The following THSD7A variants were observed in gnomAD, a reference collection of about 807,000 sequenced individuals.
THSD7A encodes thrombospondin type-1 domain-containing protein 7A.
THSD7A carries 96 observed loss-of-function variants against 231.3 expected under a neutral mutation model. That is an observed-to-expected ratio of 0.41 (90% CI 0.35 to 0.49). THSD7A has a LOEUF of 0.49. Ranked by LOEUF, THSD7A falls within the 20% of genes least tolerant of loss-of-function variation. THSD7A has a pLI of 0.05. For synonymous variants in THSD7A, 940 were observed against 743.3 expected (o/e 1.26, Z -4.30); for missense variants, 2,290 against 2,070.2 (o/e 1.11, Z -2.06).
chr7:11,398,969 C>T (rs1278724439), intron 23 of THSD7A, among the ~76,000 whole-genome samples: 2 of 152,192 alleles, frequency 1.3e-5, no homozygotes, highest in Admixed American at 6.5e-5. Flanking sequence ...TTGTTTACTA[C>T]TCTAATCTAT....
chr7:11,525,218 A>G (rs1788421103), intron 6 of THSD7A, among the ~76,000 whole-genome samples: 1 of 152,164 alleles, frequency 6.6e-6, no homozygotes, highest in Non-Finnish European at 1.5e-5. Flanking sequence ...CCCTAACTGC[A>G]ATCAATAGAT....
intron 1 of THSD7A, among the ~76,000 whole-genome samples, chr7:11,773,485 G>A (rs1244884845): frequency 6.6e-6 from 1 of 151,910 alleles, no homozygotes; most frequent in Non-Finnish European, 1.5e-5. Context: ...AGCTGAAATC[G>A]AGCCATTGCA....
At chr7:11,550,221 T>G (rs931085721) in intron 4 of THSD7A, among the ~76,000 whole-genome samples, 8 of 151,940 alleles carry the variant, frequency 5.3e-5, no homozygotes, top group African/African-American at 1.9e-4. Flanking sequence ...AAATCAGGAA[T>G]GCAATCCCAT....
intron 1 of THSD7A, among the ~76,000 whole-genome samples, chr7:11,705,623 G>A (rs1006169868): frequency 6.6e-6 from 1 of 150,976 alleles, no homozygotes; most frequent in Admixed American, 6.6e-5. Context: ...TTTTACCAAA[G>A]AGCAGTTTTT....
chr7:11,576,144 A>G (rs1790893380), intron 4 of THSD7A, among the ~76,000 whole-genome samples: 1 of 152,156 alleles, frequency 6.6e-6, no homozygotes, highest in Admixed American at 6.5e-5. Context: ...CATCCTTGTT[A>G]TATTCATTAT....
At chr7:11,721,275 A>G (rs1402651833) in intron 1 of THSD7A, among the ~76,000 whole-genome samples, 1 of 151,698 alleles carries the variant, frequency 6.6e-6, no homozygotes, top group African/African-American at 2.4e-5. Context: ...GTAATCCCCA[A>G]TGTTGGAGGA....
chr7:11,502,331 C>T (rs934277727), intron 6 of THSD7A, among the ~76,000 whole-genome samples: 1 of 152,088 alleles, frequency 6.6e-6, no homozygotes, highest in Non-Finnish European at 1.5e-5. Context: ...AGAGACACAA[C>T]AACAACAAAA....
At chr7:11,433,706 C>G (rs1274867899) in intron 13 of THSD7A, among the ~76,000 whole-genome samples, 1 of 151,882 alleles carries the variant, frequency 6.6e-6, no homozygotes, top group Non-Finnish European at 1.5e-5. Context: ...ATAGAATCAC[C>G]TGGTGGCCTT....
At chr7:11,728,582 C>T (rs138945463) in intron 1 of THSD7A, among the ~76,000 whole-genome samples, 4 of 151,796 alleles carry the variant, frequency 2.6e-5, no homozygotes, top group Non-Finnish European at 5.9e-5. Flanking sequence ...ACAATCTAGC[C>T]ATAGCTAATG....
At chr7:11,401,265 G>C (rs893443825) in intron 23 of THSD7A, among the ~76,000 whole-genome samples, 4 of 151,930 alleles carry the variant, frequency 2.6e-5, no homozygotes, top group African/African-American at 9.7e-5. Context: ...CAGCCTTCTT[G>C]AGCTCATAAA....
At chr7:11,758,550 G>A (rs79249763) in intron 1 of THSD7A, among the ~76,000 whole-genome samples, 1,761 of 152,132 alleles carry the variant, frequency 0.012, 12 homozygotes, top group Non-Finnish European at 0.019. Context: ...CCCCAAAGCA[G>A]CTCAAAATGG....
At chr7:11,403,991 G>A (rs909676034) in intron 22 of THSD7A, among the ~76,000 whole-genome samples, 2 of 152,112 alleles carry the variant, frequency 1.3e-5, no homozygotes, top group African/African-American at 4.8e-5. Context: ...ACTAGCAAGA[G>A]AGGAACTGAA....
At chr7:11,754,004 T>G (rs1782594276) in intron 1 of THSD7A, among the ~76,000 whole-genome samples, 1 of 151,972 alleles carries the variant, frequency 6.6e-6, no homozygotes, top group Non-Finnish European at 1.5e-5. Context: ...AACGGCCACT[T>G]TATATTAAAT....
chr7:11,777,414 TACACACACACACACACACACACACAC>T (rs66487858), intron 1 of THSD7A, among the ~76,000 whole-genome samples: 4 of 147,282 alleles, frequency 2.7e-5, no homozygotes, highest in East Asian at 2.0e-4. Flanking sequence ...GTAAATTAAG[TACACACACACACACACACACACACAC>T]ACACACACAC....
chr7:11,681,161 T>C (rs556440408), intron 1 of THSD7A, among the ~76,000 whole-genome samples: 64 of 151,886 alleles, frequency 4.2e-4, no homozygotes, highest in African/African-American at 1.5e-3. Flanking sequence ...TGAGAACATA[T>C]GGGCACTGGG....
intron 23 of THSD7A, among the ~76,000 whole-genome samples, chr7:11,396,353 T>G (rs2115344008): frequency 6.6e-6 from 1 of 152,244 alleles, no homozygotes; most frequent in Non-Finnish European, 1.5e-5. Flanking sequence ...GAGCTGTTTT[T>G]TTGAAAAGAT....
intron 2 of THSD7A, among the ~76,000 whole-genome samples, chr7:11,617,365 C>G (rs529025188): frequency 2.0e-5 from 3 of 152,258 alleles, no homozygotes; most frequent in Admixed American, 6.5e-5. Flanking sequence ...TGCAAAAGTG[C>G]TCCTAAAACT....
At chr7:11,788,381 C>T (rs1783853030) in intron 1 of THSD7A, among the ~76,000 whole-genome samples, 1 of 151,988 alleles carries the variant, frequency 6.6e-6, no homozygotes, top group Non-Finnish European at 1.5e-5. Flanking sequence ...TAGTCTTGCC[C>T]AAATATATCC....
intron 23 of THSD7A, among the ~76,000 whole-genome samples, chr7:11,392,706 T>G (rs1429034318): frequency 1.3e-5 from 2 of 152,100 alleles, no homozygotes; most frequent in Non-Finnish European, 2.9e-5. Flanking sequence ...AGGAGGGGTG[T>G]ATACCATTAT....
Sources: gnomAD v4.1 joint callset for allele counts (sites outside exome capture counted in the v4.1 genomes callset) on GRCh38, gnomAD v4.1.1 for gene constraint, MANE v1.5 for transcripts, NCBI Gene and HGNC (gene_info 2026-07-23, HGNC 2026-07-21) for gene names.